OPCML: variants seen among roughly 807,000 people sequenced by gnomAD.
OPCML encodes opioid-binding protein/cell adhesion molecule.
In OPCML, 13 loss-of-function variants were observed where a neutral mutation model predicts 37.8. The observed-to-expected ratio is 0.34, with a 90% CI of 0.22 to 0.55. The LOEUF (loss-of-function observed/expected upper bound fraction) is 0.55. Among genes scored for constraint, OPCML ranks in the 20% least tolerant of loss-of-function variants. The pLI is 0.91. For synonymous variants in OPCML, 176 were observed against 168.8 expected (o/e 1.04, Z -0.33); for missense variants, 341 against 435.6 (o/e 0.78, Z 1.93).
intron 1 of OPCML, among the ~76,000 whole-genome samples, chr11:133,412,930 T>C (rs111872038): frequency 1.3e-5 from 2 of 152,334 alleles, no homozygotes; most frequent in East Asian, 1.9e-4. Context: ...GCTTAAAATA[T>C]CTTCCTTCAC....
intron 1 of OPCML, among the ~76,000 whole-genome samples, chr11:133,060,866 C>A (rs180980942): frequency 6.3e-4 from 96 of 152,342 alleles, no homozygotes; most frequent in South Asian, 4.1e-3. Flanking sequence ...CCAGTGGGCC[C>A]ATTGCCTCCA....
At chr11:132,728,550 G>A (rs1271433938) in intron 2 of OPCML, among the ~76,000 whole-genome samples, 8 of 152,010 alleles carry the variant, frequency 5.3e-5, no homozygotes, top group Non-Finnish European at 7.4e-5. Flanking sequence ...TTAATCACCT[G>A]CTCACTTGTG....
chr11:133,111,425 C>T (rs1949251783), intron 1 of OPCML, among the ~76,000 whole-genome samples: 1 of 152,176 alleles, frequency 6.6e-6, no homozygotes, highest in Non-Finnish European at 1.5e-5. Context: ...CCCTGTGTCC[C>T]TGCCCTCCAA....
rs980303868 is a variant in OPCML at position 132,547,086 on chromosome 11, C to G, written c.380-17900G>C. Among the ~76,000 whole-genome samples the G allele has an allele frequency of 2.0e-5, 3 of 152,162 alleles. No homozygotes were observed. In the South Asian group the frequency reaches 6.2e-4, roughly 32 times the overall value. The stretch of plus-strand genomic sequence containing the variant: ...AAAAATATGTCACCAGAGAAAATGT[C>G]AAAGGCTTTTGGGACACAGCAAGAT... On this transcript the variant is annotated intron_variant, in intron 3 of 7. Coordinates refer to ENST00000524381, the MANE Select transcript of OPCML (RefSeq NM_001012393.5).
chr11:133,064,480 G>C (rs796237936), intron 1 of OPCML, among the ~76,000 whole-genome samples: 14 of 152,314 alleles, frequency 9.2e-5, no homozygotes, highest in African/African-American at 2.9e-4. Flanking sequence ...TGGGAGAAGG[G>C]ACGGCCAGCT....
chr11:132,730,418 A>T (rs1391080917), intron 2 of OPCML, among the ~76,000 whole-genome samples: 11 of 152,176 alleles, frequency 7.2e-5, no homozygotes, highest in Non-Finnish European at 7.3e-5. Flanking sequence ...AATAATCTAA[A>T]AGGAAATGAA....
chr11:133,112,312 G>GAAAAAAAAAA (rs1949269165), intron 1 of OPCML, among the ~76,000 whole-genome samples: 1 of 33,642 alleles, frequency 3.0e-5, no homozygotes, highest in East Asian at 1.2e-3. Context: ...AAAAAAAAAG[G>GAAAAAAAAAA]GGAAAGAAAC....
At chr11:133,398,576 C>T (rs1209869981) in intron 1 of OPCML, among the ~76,000 whole-genome samples, 1 of 151,618 alleles carries the variant, frequency 6.6e-6, no homozygotes, top group Non-Finnish European at 1.5e-5. Flanking sequence ...TCTCTCTATT[C>T]AAGGCGAAGG....
At chr11:133,140,880 C>G (rs867478976) in intron 1 of OPCML, among the ~76,000 whole-genome samples, 450 of 6,036 alleles carry the variant, frequency 0.075, 50 homozygotes, top group African/African-American at 0.11. Flanking sequence ...ACGAAGAAGA[C>G]GACGACGACG....
rs180674351 is a variant in OPCML at position 133,098,060 on chromosome 11, C to T, written c.62-155050G>A. On this transcript the variant is annotated intron_variant, in intron 1 of 7. Coordinates refer to ENST00000524381, the MANE Select transcript of OPCML (RefSeq NM_001012393.5). Reference sequence around the variant, plus strand: ...CCTAATACCAAAACCATAAAAGATACTACAAGGAAAGAAAACTACAGATCA... The same window carrying T: ...CCTAATACCAAAACCATAAAAGATATTACAAGGAAAGAAAACTACAGATCA... Among the ~76,000 whole-genome samples, 710 of 152,216 alleles carry T rather than the reference C, an allele frequency of 4.7e-3. 10 individuals carry two copies. Among genetic ancestry groups the T allele is most frequent in the African/African-American group, 0.01 (425 of 41,552 alleles).
chr11:132,782,945 ATG>A (rs59345835), intron 2 of OPCML, among the ~76,000 whole-genome samples: 47 of 133,058 alleles, frequency 3.5e-4, no homozygotes, highest in Non-Finnish European at 5.0e-4. Flanking sequence ...ATATATATAT[ATG>A]TATGTATGTA....
rs558185661 is a variant in OPCML, at chr11:133,082,865, C to T, written c.62-139855G>A. 2.7e-5 allele frequency among the ~76,000 whole-genome samples: 4 copies of T among 150,132 alleles called. No homozygotes were observed. In the East Asian group the frequency reaches 8.2e-4, roughly 31 times the overall value. ...GCCTGCAGGGTGCCGGGGGCCCCTC[C>T]GAGCCGACCTCGTCCCAGGCAGACG... On this transcript the variant is annotated intron_variant, in intron 1 of 7. Coordinates refer to ENST00000524381, the MANE Select transcript of OPCML (RefSeq NM_001012393.5).
chr11:133,161,562 G>A (rs527882638), intron 1 of OPCML, among the ~76,000 whole-genome samples: 1 of 152,310 alleles, frequency 6.6e-6, no homozygotes, highest in African/African-American at 2.4e-5. Context: ...AGTTACAGAG[G>A]ATCCCGAAGA....
At chr11:133,316,162 A>C (rs991956042) in intron 1 of OPCML, among the ~76,000 whole-genome samples, 2 of 152,194 alleles carry the variant, frequency 1.3e-5, no homozygotes, top group Non-Finnish European at 2.9e-5. Flanking sequence ...GACCAGAGTC[A>C]GGCTTGTAAG....
intron 1 of OPCML, among the ~76,000 whole-genome samples, chr11:133,245,122 A>G (rs1027433118): frequency 6.6e-6 from 1 of 152,180 alleles, no homozygotes; most frequent in Non-Finnish European, 1.5e-5. Context: ...GGAAGTTGCA[A>G]TCAGGTCTCA....
chr11:133,283,236 G>T (rs1942207209), intron 1 of OPCML, among the ~76,000 whole-genome samples: 1 of 152,096 alleles, frequency 6.6e-6, no homozygotes, highest in Non-Finnish European at 1.5e-5. Flanking sequence ...GATGGGGCCT[G>T]GTGGGATGCA....
At chr11:132,736,215 GA>G (rs1160108723) in intron 2 of OPCML, among the ~76,000 whole-genome samples, 1 of 152,100 alleles carries the variant, frequency 6.6e-6, no homozygotes, top group Non-Finnish European at 1.5e-5. Flanking sequence ...GGGAGAGCAG[GA>G]AAAACTGTCT....
Position 133,147,571 on chromosome 11 carries a change from A to G in OPCML, c.62-204561T>C, listed in dbSNP as rs145405911. On this transcript the variant is annotated intron_variant, in intron 1 of 7. Transcript: ENST00000524381. ...TTATAAAATGGGGATAAGAATGCTTACCTGGGATCGATGTTTTGGGAATTA... is the reference window on the plus strand; with the variant it reads ...TTATAAAATGGGGATAAGAATGCTTGCCTGGGATCGATGTTTTGGGAATTA... Among the ~76,000 whole-genome samples the G allele has an allele frequency of 6.0e-3, 907 of 152,270 alleles. 4 individuals carry two copies. The highest frequency in any genetic ancestry group is 0.021 in the African/African-American group (864 of 41,556).
At chr11:132,574,280 T>C (rs2096445303) in intron 3 of OPCML, among the ~76,000 whole-genome samples, 1 of 143,706 alleles carries the variant, frequency 7.0e-6, no homozygotes, top group African/African-American at 2.9e-5. Context: ...TGTTTGTTTG[T>C]TTTTGCCTAG....
Sources: gnomAD v4.1 joint callset for allele counts (sites outside exome capture counted in the v4.1 genomes callset) on GRCh38, gnomAD v4.1.1 for gene constraint, MANE v1.5 for transcripts, NCBI Gene and HGNC (gene_info 2026-07-23, HGNC 2026-07-21) for gene names.